KDM3A: variants seen among roughly 807,000 people sequenced by gnomAD.
The protein encoded by KDM3A is lysine demethylase 3A.
Under a neutral mutation model 158.0 loss-of-function variants are expected in KDM3A, and 60 were observed. The ratio of observed to expected loss-of-function variants is 0.38; its 90% confidence interval spans 0.31 to 0.47. KDM3A has a LOEUF of 0.47. Among genes scored for constraint, KDM3A ranks in the 20% least tolerant of loss-of-function variants. The pLI, the probability that KDM3A is intolerant of heterozygous loss-of-function variation, is 0.99. For synonymous variants in KDM3A, 608 were observed against 549.3 expected, an observed-to-expected ratio of 1.11 and a Z score of -1.49; for missense variants, 1,319 against 1,574.3, an observed-to-expected ratio of 0.84 and a Z score of 2.74.
At chr2:86,451,462 A>G (rs565126212) in intron 4 of KDM3A, among the ~76,000 whole-genome samples, 2 of 152,356 alleles carry the variant, frequency 1.3e-5, no homozygotes, top group Non-Finnish European at 2.9e-5. Flanking sequence ...GTATTCTTAC[A>G]ATAAAATTAG....
intron 1 of KDM3A, 161 bp downstream of exon 1, chr2:86,441,605 T>C (rs1388581092): frequency 6.7e-6 from 1 of 149,976 alleles, no homozygotes; most frequent in African/African-American, 2.4e-5. Context: ...GCGGGGCAAG[T>C]GCGGAATCGC....
At chr2:86,474,324 G>A (rs1427606771) in intron 11 of KDM3A, among the ~76,000 whole-genome samples, 1 of 152,140 alleles carries the variant, frequency 6.6e-6, no homozygotes, top group Non-Finnish European at 1.5e-5. Flanking sequence ...GATTAGCCAT[G>A]GAGATTACAG....
At chr2:86,454,722 A>G (rs779867462) in intron 4 of KDM3A, among the ~76,000 whole-genome samples, 5 of 152,158 alleles carry the variant, frequency 3.3e-5, no homozygotes, top group Non-Finnish European at 7.3e-5. Context: ...TGATTTCCCC[A>G]TCCCCAGTAT....
rs767422964 is a variant in KDM3A, at chr2:86,480,253, A to G, written c.2403A>G (p.Glu801=). The part of the protein sequence containing the change: ...SVLEPAAVGG[E]AASKPAGSMK... ...TGGAGCCAGCAGCTGTGGGTGGGGA[A>G]GCAGCCTCCAAGCCAGCCGGCAGCA... The change falls in exon 16 of 26, where the codon GAA becomes GAG. Residue 801 remains glutamate (E), a synonymous_variant. Coordinates refer to ENST00000312912, the MANE Select transcript of KDM3A (RefSeq NM_018433.6). 5.0e-6 allele frequency: 8 copies of G among 1,613,666 alleles called. No homozygotes were observed. The highest frequency in any genetic ancestry group is 5.9e-6 in the Non-Finnish European group (7 of 1,180,008).
intron 11 of KDM3A, among the ~76,000 whole-genome samples, chr2:86,474,140 T>A (rs577413291): frequency 6.6e-6 from 1 of 152,336 alleles, no homozygotes; most frequent in African/African-American, 2.4e-5. Flanking sequence ...CTCTTAAGTG[T>A]CAAGTCCAGC....
In KDM3A at chr2:86,475,003, C is replaced by T. The variant is rs1192476374; in HGVS notation, c.1939+13C>T. ...ATTGAGCCACACAGTAAGAGCATCT[C>T]TTAGGGGGTAGGATTTTCGAGCCCA... On this transcript the variant is annotated intron_variant, in intron 12 of 25. Transcript: ENST00000312912. The T allele has an allele frequency of 1.2e-6, 2 of 1,602,448 alleles. No homozygotes were observed. The highest frequency in any genetic ancestry group is 2.7e-5 in the African/African-American group (2 of 74,564).
intron 21 of KDM3A, among the ~76,000 whole-genome samples, chr2:86,486,642 T>C (rs1401608293): frequency 6.6e-6 from 1 of 152,232 alleles, no homozygotes; most frequent in African/African-American, 2.4e-5. Flanking sequence ...CCATGTCATT[T>C]TCCATTTCTA....
upstream of KDM3A, among the ~76,000 whole-genome samples, chr2:86,438,985 C>T (rs1309673247): frequency 2.0e-5 from 3 of 151,998 alleles, no homozygotes; most frequent in Admixed American, 2.0e-4. Context: ...CCTTCTCCAA[C>T]TGGAGTACAC....
At chr2:86,469,626 A>G (rs1244465786) in intron 10 of KDM3A, among the ~76,000 whole-genome samples, 1 of 152,176 alleles carries the variant, frequency 6.6e-6, no homozygotes, top group Non-Finnish European at 1.5e-5. Flanking sequence ...CTTGGACCAC[A>G]TGTGTGAAAG....
chr2:86,473,493 G>A (rs1204913485), intron 11 of KDM3A, among the ~76,000 whole-genome samples: 2 of 152,038 alleles, frequency 1.3e-5, no homozygotes, highest in East Asian at 1.9e-4. Flanking sequence ...GTTTGTAATC[G>A]AAGCACTTCA....
At chr2:86,442,356 T>A in intron 2 of KDM3A, 123 bp downstream of exon 2, 1 of 890,998 alleles carries the variant, frequency 1.1e-6, no homozygotes, top group Non-Finnish European at 1.7e-6. Flanking sequence ...GATCTGAAGG[T>A]GCAGGAAGCT....
In KDM3A at chr2:86,456,918, T is replaced by C. The variant is rs1485919840; in HGVS notation, c.754+41T>C. On this transcript the variant is annotated intron_variant, in intron 7 of 25. Transcript: ENST00000312912. ...AAAATCTTTCTTCTCCTTCCTCCTT[T>C]CCTCCGTTCTTCTCACATTAAGAGA... 5.7e-6 allele frequency: 9 copies of C among 1,569,418 alleles called. 1 individual carries two copies. The highest frequency in any genetic ancestry group is 4.5e-5 in the South Asian group (4 of 89,106).
In KDM3A at chr2:86,485,811, A is replaced by G. The variant is rs1439816807; in HGVS notation, c.3265A>G (p.Asn1089Asp). 2 of 1,614,188 alleles carry G rather than the reference A, an allele frequency of 1.2e-6. No homozygotes were observed. Among genetic ancestry groups the G allele is most frequent in the South Asian group, 1.1e-5 (1 of 91,084 alleles). ...ACTGAATTTGGCCTCTAGGCTGCCA[A>G]ACTACTTTGTTCGGCCAGATCTGGG... ...GKLNLASRLPNYFVRPDLGPK... is the reference protein window; with the variant it reads ...GKLNLASRLPDYFVRPDLGPK... The change falls in exon 21 of 26, where the codon AAC becomes GAC. Residue 1089 changes from asparagine (N) to aspartate (D), a missense_variant. Transcript: ENST00000312912.
At chr2:86,440,943 C>T (rs1427635218), upstream of KDM3A, 1 of 152,278 alleles carries the variant, frequency 6.6e-6, no homozygotes, top group African/African-American at 2.4e-5. Flanking sequence ...CGACAGCCTA[C>T]GCGGTTGAAG....
intron 11 of KDM3A, among the ~76,000 whole-genome samples, chr2:86,473,523 T>A (rs1044171442): frequency 2.0e-5 from 3 of 152,038 alleles, no homozygotes; most frequent in Non-Finnish European, 2.9e-5. Context: ...GGTGGGAGGA[T>A]CGCTTGAGCC....
intron 2 of KDM3A, among the ~76,000 whole-genome samples, chr2:86,442,992 C>T (rs889771624): frequency 1.3e-5 from 2 of 152,066 alleles, no homozygotes; most frequent in African/African-American, 4.8e-5. Context: ...TCTGTTAGAT[C>T]TTTTCAAAGA....
rs76418961 is a variant in KDM3A at position 86,448,870 on chromosome 2, G to A, written c.187-937G>A. 5.7e-3 allele frequency among the ~76,000 whole-genome samples: 864 copies of A among 152,258 alleles called. 11 individuals carry two copies. The highest frequency in any genetic ancestry group is 0.019 in the African/African-American group (788 of 41,560). On this transcript the variant is annotated intron_variant, in intron 2 of 25. Transcript: ENST00000312912. ...TATTGTCATTGGTAGAATACAAAAA[G>A]CATTGAAGAGGACCTAGAGTAAGTT...
intron 21 of KDM3A, among the ~76,000 whole-genome samples, chr2:86,486,520 A>G (rs1674187585): frequency 6.6e-6 from 1 of 152,192 alleles, no homozygotes; most frequent in African/African-American, 2.4e-5. Flanking sequence ...TGTTGAATGC[A>G]GTTCTAGTTG....
chr2:86,481,713 T>C (rs1420503498), intron 16 of KDM3A, among the ~76,000 whole-genome samples: 1 of 152,218 alleles, frequency 6.6e-6, no homozygotes, highest in Non-Finnish European at 1.5e-5. Context: ...GATACAAAGG[T>C]CAATTTACAA....
Sources: allele counts gnomAD v4.1 joint callset (sites outside exome capture counted in the v4.1 genomes callset), GRCh38; gene constraint gnomAD v4.1.1; transcripts MANE v1.5; gene names NCBI Gene and HGNC (gene_info 2026-07-23, HGNC 2026-07-21).